Variants in COL3A1 observed in about 807,000 individuals in gnomAD.
The protein encoded by COL3A1 is collagen alpha-1(III) chain.
A neutral mutation model predicts 200.9 loss-of-function variants in COL3A1; 46 were observed. The ratio of observed to expected loss-of-function variants is 0.23; its 90% confidence interval spans 0.18 to 0.29. The LOEUF is 0.29. Ranked by LOEUF, COL3A1 falls within the 10% of genes least tolerant of loss-of-function variation. The probability of loss-of-function intolerance (pLI) is 1.00; values close to 1 mark genes in which losing one functional copy is unlikely to be tolerated. For synonymous variants in COL3A1, 650 were observed against 628.0 expected, an observed-to-expected ratio of 1.03 and a Z score of -0.52; for missense variants, 1,367 against 1,917.6, an observed-to-expected ratio of 0.71 and a Z score of 5.36.
rs2153502619 is a variant in COL3A1, at chr2:188,996,155, A to C, written c.1639A>C (p.Ser547Arg). The stretch of plus-strand genomic sequence containing the variant: ...GCCCGGAAGTCCAGGAGGACCAGGA[A>C]GTGATGGGAAACCAGGGCCTCCCGT... ...GMPGSPGGPG[S>R]DGKPGPPGSQ... is the part of the protein sequence containing the mutation. The change falls in exon 23 of 51, where the codon AGT becomes CGT. Residue 547 changes from serine (S) to arginine (R), a missense_variant. By Grantham distance (110) the Ser-to-Arg change is moderately radical. Coordinates refer to ENST00000304636, the MANE Select transcript of COL3A1 (RefSeq NM_000090.4). The C allele has an allele frequency of 6.2e-7, 1 of 1,613,738 alleles. No individual in the cohort carries two copies. The highest frequency in any genetic ancestry group is 1.1e-5 in the South Asian group (1 of 91,066).
In COL3A1 at chr2:189,006,073, A is replaced by T. The variant is rs558792710; in HGVS notation, c.3040-133A>T. 3 of 838,978 alleles carry T rather than the reference A, an allele frequency of 3.6e-6. No individual in the cohort carries two copies. In the South Asian group the frequency reaches 4.3e-5, roughly 12 times the overall value. 52.0% of individuals were successfully genotyped at this position (838,978 alleles called of 1,614,324 possible). ...TTGAAGGGCCACACTGCTTTGTAAT[A>T]TCTAAGATTTCTTACCCCCAAGAAC... On this transcript the variant is annotated intron_variant, in intron 41 of 50. Transcript: ENST00000304636.
intron 36 of COL3A1, 117 bp downstream of exon 36, chr2:189,003,179 A>T: frequency 1.2e-6 from 1 of 869,332 alleles, no homozygotes; most frequent in East Asian, 2.6e-5. Flanking sequence ...AAGTGTTCTA[A>T]TGGAAAAACA....
intron 26 of COL3A1, 131 bp downstream of exon 26, chr2:188,997,520 C>A: frequency 8.6e-7 from 1 of 1,160,068 alleles, no homozygotes; most frequent in Non-Finnish European, 1.3e-6. Context: ...ACTTGCTGAC[C>A]TAGTTATCTA....
Position 189,006,396 on chromosome 2 carries a change from C to G in COL3A1, c.3145C>G (p.Pro1049Ala), listed in dbSNP as rs775562650. 2 of 1,614,008 alleles carry G rather than the reference C, an allele frequency of 1.2e-6. No individual in the cohort carries two copies. The highest frequency in any genetic ancestry group is 1.7e-6 in the Non-Finnish European group (2 of 1,180,038). ...TGGTGCCCCTGGCGCTCCTGGTCAT[C>G]CAGGCCCACCTGGTCCTGTCGGTCC... The part of the protein sequence containing the change: ...SPGAPGAPGH[P>A]GPPGPVGPAG... Residue 1049 changes from proline (P) to alanine (A), a missense_variant, in exon 43 of 51, where the codon CCA (proline) becomes GCA (alanine). By Grantham distance (27) the Pro-to-Ala change is conservative. Transcript: ENST00000304636.
intron 32 of COL3A1, 87 bp downstream of exon 32, chr2:188,999,982 C>T: frequency 7.5e-7 from 1 of 1,335,080 alleles, no homozygotes; most frequent in Non-Finnish European, 1.1e-6. Context: ...TTTCCAAAAA[C>T]TACTCAAGAG....
intron 21 of COL3A1, 121 bp downstream of exon 21, chr2:188,995,220 A>G (rs1453248733): frequency 1.0e-6 from 1 of 977,174 alleles, no homozygotes; most frequent in Non-Finnish European, 1.5e-6. Flanking sequence ...GTTAAGAAAA[A>G]TTCCTAATAT....
intron 11 of COL3A1, 111 bp from the exon 12 acceptor site, chr2:188,991,376 T>C: frequency 1.4e-6 from 1 of 704,804 alleles, no homozygotes; most frequent in Non-Finnish European, 2.3e-6. Flanking sequence ...ATTGTTAAAA[T>C]GTATATCTTT....
chr2:188,993,557 G>A (rs776711158), intron 16 of COL3A1, 98 bp downstream of exon 16: 2 of 1,048,596 alleles, frequency 1.9e-6, no homozygotes, highest in Non-Finnish European at 2.9e-6. Context: ...GCTTCAATAT[G>A]GCTATCAGTG....
chr2:189,010,339 G>A lies in COL3A1; in HGVS notation c.3985G>A (p.Gly1329Arg). Residue 1329 changes from glycine (G) to arginine (R), a missense_variant, in exon 49 of 51, where the codon GGA (glycine) becomes AGA (arginine). Transcript: ENST00000304636. Reference protein sequence around the residue: ...SSAEKKHVWFGESMDGGFQFS... With the variant: ...SSAEKKHVWFRESMDGGFQFS... The stretch of plus-strand genomic sequence containing the variant: ...TGCTGAGAAGAAACACGTTTGGTTT[G>A]GAGAGTCCATGGATGGTGGTTTTCA... 2 of 1,614,124 alleles carry A rather than the reference G, an allele frequency of 1.2e-6. No individual in the cohort carries two copies. Among genetic ancestry groups the A allele is most frequent in the Non-Finnish European group, 1.7e-6 (2 of 1,179,998 alleles).
chr2:188,995,471 AT>A (rs1688284844), intron 21 of COL3A1, among the ~76,000 whole-genome samples: 1 of 152,228 alleles, frequency 6.6e-6, no homozygotes, highest in African/African-American at 2.4e-5. Flanking sequence ...AGCACAGTGA[AT>A]ACTGTTTTAT....
At chr2:188,997,809 T>C in intron 27 of COL3A1, 56 bp downstream of exon 27, 3 of 1,453,502 alleles carry the variant, frequency 2.1e-6, no homozygotes, top group South Asian at 1.2e-5. Flanking sequence ...TTTTTTTGTG[T>C]CCCTAATAGA....
At chr2:188,978,047 A>G (rs1298764227) in intron 1 of COL3A1, 1 of 390,954 alleles carries the variant, frequency 2.6e-6, no homozygotes, top group Non-Finnish European at 5.1e-6. Flanking sequence ...AAAAATGCTC[A>G]GGTAATAACA....
At position 189,004,326 on chromosome 2, in the gene COL3A1, C is replaced by T; in HGVS notation, c.2893C>T (p.Pro965Ser). ...GGGTCTTGCAGGACCACCAGGCATG[C>T]CAGGTCCTAGGGGAAGCCCTGGCCC... The part of the protein sequence containing the change: ...ARGLAGPPGM[P>S]GPRGSPGPQG... Residue 965 changes from proline to serine, a missense_variant, in exon 40 of 51, where the codon CCA becomes TCA. Physicochemically the swap from Pro to Ser is moderately conservative, Grantham distance 74. This residue lies in a region of COL3A1 where 846 missense variants were observed against 1,147.9 expected (regional missense o/e 0.74). Transcript: ENST00000304636. 1.2e-6 allele frequency: 2 copies of T among 1,606,736 alleles called. No homozygotes were observed. Among genetic ancestry groups the T allele is most frequent in the African/African-American group, 2.7e-5 (2 of 74,998 alleles).
chr2:188,999,037 T>C (rs1034878422), intron 29 of COL3A1, among the ~76,000 whole-genome samples: 9 of 152,224 alleles, frequency 5.9e-5, no homozygotes, highest in African/African-American at 2.2e-4. Flanking sequence ...ATGTTGCTCT[T>C]GTGAATAAAA....
intron 22 of COL3A1, 107 bp downstream of exon 22, chr2:188,995,897 G>T: frequency 1.8e-6 from 2 of 1,096,706 alleles, no homozygotes; most frequent in South Asian, 1.4e-5. Context: ...TACATATTTT[G>T]TAAGGCACCA....
intron 29 of COL3A1, 146 bp from the exon 30 acceptor site, chr2:188,999,139 G>A (rs1576468042): frequency 2.5e-6 from 2 of 790,928 alleles, no homozygotes; most frequent in East Asian, 5.3e-5. Context: ...TTCCCACCCA[G>A]CTGTTCAACT....
At chr2:188,989,476 T>C in intron 8 of COL3A1, 27 bp downstream of exon 8, 1 of 1,561,880 alleles carries the variant, frequency 6.4e-7, no homozygotes, top group Non-Finnish European at 8.8e-7. Flanking sequence ...TAAATAAGAA[T>C]ACAGCAAAAT....
intron 28 of COL3A1, 83 bp downstream of exon 28, chr2:188,998,402 C>A: frequency 8.3e-7 from 1 of 1,211,170 alleles, no homozygotes. Context: ...TCTTAATTTT[C>A]TTATGCCATG....
rs749357239 is a variant in COL3A1, at chr2:189,007,580, T to C, written c.3336T>C (p.Pro1112=). Residue 1112 remains proline, a synonymous_variant, in exon 45 of 51, where the codon CCT becomes CCC. Coordinates refer to ENST00000304636, the MANE Select transcript of COL3A1 (RefSeq NM_000090.4). ...AAGIKGHRGF[P]GNPGAPGSPG... ...GCATCAAAGGACATCGAGGATTCCC[T>C]GGTAATCCAGGTGCCCCAGGTTCTC... The C allele has an allele frequency of 3.1e-5, 50 of 1,613,152 alleles. No homozygotes were observed. The Admixed American group carries it at 8.0e-4, about 26-fold the overall frequency.
Sources: gnomAD v4.1 joint callset for allele counts (sites outside exome capture counted in the v4.1 genomes callset) on GRCh38, gnomAD v4.1.1 for gene constraint, gnomAD v4.1.1 regional missense constraint, MANE v1.5 for transcripts, NCBI Gene and HGNC (gene_info 2026-07-23, HGNC 2026-07-21) for gene names.